Variants in SMAD2 observed in about 807,000 individuals in gnomAD.
The protein encoded by SMAD2 is SMAD family member 2, also known as MAD homolog 2.
Under a neutral mutation model 64.4 loss-of-function variants are expected in SMAD2, and 8 were observed. That is an observed-to-expected ratio of 0.12 (90% confidence interval 0.07 to 0.22). SMAD2 has a LOEUF of 0.22. Ranked by LOEUF, SMAD2 falls within the 10% of genes least tolerant of loss-of-function variation. SMAD2 has a pLI of 1.00. For missense variants in SMAD2, 289 were observed against 561.2 expected, an observed-to-expected ratio of 0.51 and a Z score of 4.90; for synonymous variants, 203 against 195.8, an observed-to-expected ratio of 1.04 and a Z score of -0.31.
At chr18:47,917,733 T>C (rs546360842) in intron 1 of SMAD2, among the ~76,000 whole-genome samples, 4 of 152,290 alleles carry the variant, frequency 2.6e-5, no homozygotes, top group Admixed American at 2.6e-4. Context: ...TAAAGAATTT[T>C]TTTTTTAAGA....
chr18:47,817,383 G>A lies in SMAD2; in HGVS notation c.*24444C>T, dbSNP rs1912407920. On this transcript the variant is annotated 3_prime_UTR_variant, in exon 11 of 11. Coordinates refer to ENST00000262160, the MANE Select transcript of SMAD2 (RefSeq NM_005901.6). ...ATAAAGGACTTTACATCCCTCCTGG[G>A]ATGACAAAAGACTTTTTGTCTTTCC... is the stretch of plus-strand genomic sequence containing the variant. The A allele has an allele frequency of 6.6e-6, 1 of 152,180 alleles. No individual in the cohort carries two copies. The highest frequency in any genetic ancestry group is 1.5e-5 in the Non-Finnish European group (1 of 68,024). The allele number at this position is 152,180 out of a possible 1,614,324, so 9.4% of individuals were successfully genotyped here.
At position 47,913,522 on chromosome 18, in the gene SMAD2, G is replaced by A. The variant is rs931184659; in HGVS notation, c.-53-16713C>T. ...TGGCTGACATCTGTCTAATATCTCC[G>A]GAGAATTTTTAAATTATGTAATAAA... On this transcript the variant is annotated intron_variant, in intron 1 of 10. Coordinates refer to ENST00000262160, the MANE Select transcript of SMAD2 (RefSeq NM_005901.6). Among the ~76,000 whole-genome samples, 11 of 152,070 alleles carry A rather than the reference G, an allele frequency of 7.2e-5. No homozygotes were observed. In the East Asian group the frequency reaches 1.3e-3, roughly 19 times the overall value.
chr18:47,917,578 T>C (rs956112923), intron 1 of SMAD2, among the ~76,000 whole-genome samples: 2 of 152,228 alleles, frequency 1.3e-5, no homozygotes, highest in Non-Finnish European at 2.9e-5. Flanking sequence ...TCAATTTCTC[T>C]TTATTTCCAC....
chr18:47,863,600 T>C (rs770484332), intron 6 of SMAD2, among the ~76,000 whole-genome samples: 27 of 152,196 alleles, frequency 1.8e-4, no homozygotes, highest in Non-Finnish European at 3.5e-4. Flanking sequence ...TCAAGGTCCA[T>C]CCATGTTGCC....
At chr18:47,894,109 T>C (rs1047834631) in intron 2 of SMAD2, among the ~76,000 whole-genome samples, 2 of 152,184 alleles carry the variant, frequency 1.3e-5, no homozygotes, top group African/African-American at 2.4e-5. Context: ...ATACCAGCAA[T>C]GGCCAATTTT....
At position 47,818,354 on chromosome 18, in the gene SMAD2, T is replaced by A. The variant is rs1321723565; in HGVS notation, c.*23473A>T. 1 of 152,236 alleles carries A rather than the reference T, an allele frequency of 6.6e-6. No individual in the cohort carries two copies. The allele number at this position is 152,236 out of a possible 1,614,324, so 9.4% of individuals were successfully genotyped here. ...TTAATGTAAATTTAGGTTTGCCTAATAACTGCTTAGGGTGATGGAACAGTT... is the reference window on the plus strand; with the variant it reads ...TTAATGTAAATTTAGGTTTGCCTAAAAACTGCTTAGGGTGATGGAACAGTT... On this transcript the variant is annotated 3_prime_UTR_variant, in exon 11 of 11. Transcript: ENST00000262160.
intron 6 of SMAD2, among the ~76,000 whole-genome samples, chr18:47,856,160 A>C (rs974743110): frequency 3.3e-5 from 5 of 152,126 alleles, no homozygotes; most frequent in African/African-American, 1.2e-4. Context: ...TTTTAAGCCA[A>C]ATACATAGAA....
intron 5 of SMAD2, 93 bp from the exon 6 acceptor site, chr18:47,865,226 A>G (rs2031471257): frequency 1.4e-6 from 1 of 710,208 alleles, no homozygotes; most frequent in Non-Finnish European, 2.6e-6. Flanking sequence ...ATCACTCCAA[A>G]TAACAAATAA....
At position 47,893,862 on chromosome 18, in the gene SMAD2, C is replaced by A. The variant is rs1321619950; in HGVS notation, c.236+2659G>T. ...TCCATTTTTGCAACATCTAAAAAAA[C>A]CACCAAATTAGGCAAATTTCTACGC... On this transcript the variant is annotated intron_variant, in intron 2 of 10. Coordinates refer to ENST00000262160, the MANE Select transcript of SMAD2 (RefSeq NM_005901.6). Among the ~76,000 whole-genome samples the A allele has an allele frequency of 4.6e-5, 7 of 152,164 alleles. No individual in the cohort carries two copies. The East Asian group carries it at 1.4e-3, about 29-fold the overall frequency.
chr18:47,839,205 T>C lies in SMAD2; in HGVS notation c.*2622A>G, dbSNP rs1598737563. ...TTTCATACTGTACAGAAAAATCGCA[T>C]CAGAACTGTAGAGATGCGCTCCACT... is the stretch of plus-strand genomic sequence containing the variant. On this transcript the variant is annotated 3_prime_UTR_variant, in exon 11 of 11. Coordinates refer to ENST00000262160, the MANE Select transcript of SMAD2 (RefSeq NM_005901.6). 1 of 233,310 alleles carries C rather than the reference T, an allele frequency of 4.3e-6. No homozygotes were observed. The highest frequency in any genetic ancestry group is 2.2e-5 in the African/African-American group (1 of 45,426). 14.5% of individuals were successfully genotyped at this position (233,310 alleles called of 1,614,324 possible).
rs1273293351 is a variant in SMAD2 at position 47,828,239 on chromosome 18, C to T, written c.*13588G>A. On this transcript the variant is annotated 3_prime_UTR_variant, in exon 11 of 11. Transcript: ENST00000262160. The stretch of plus-strand genomic sequence containing the variant: ...GTCTGGGAGGGAGGTGGGGGGCAGC[C>T]CCTGCTCGGCCAGCCGCCCCGTCCG... The T allele has an allele frequency of 1.3e-5, 2 of 155,186 alleles. No homozygotes were observed. Among genetic ancestry groups the T allele is most frequent in the African/African-American group, 2.4e-5 (1 of 41,338 alleles). 9.6% of individuals were successfully genotyped at this position (155,186 alleles called of 1,614,324 possible). A position where few individuals can be genotyped will look rare whatever the true frequency, so the allele number is the denominator to read the frequency against.
chr18:47,845,604 C>T (rs1448607242), intron 9 of SMAD2, 59 bp downstream of exon 9: 1 of 1,602,184 alleles, frequency 6.2e-7, no homozygotes, highest in African/African-American at 1.3e-5. Flanking sequence ...CTAAAATTAG[C>T]AACAAGAAAA....
At chr18:47,876,855 AATTATCCAGAT>A (rs1178062503) in intron 2 of SMAD2, among the ~76,000 whole-genome samples, 3 of 152,136 alleles carry the variant, frequency 2.0e-5, no homozygotes, top group Non-Finnish European at 4.4e-5. Flanking sequence ...ACTTTGTTCC[AATTATCCAGAT>A]ATTATGTTTG....
In SMAD2 at chr18:47,833,909, A is replaced by G; in HGVS notation, c.*7918T>C. On this transcript the variant is annotated 3_prime_UTR_variant, in exon 11 of 11. Transcript: ENST00000262160. ...AATTTCAGATTAAGTTTAACCCCATAAGGACGCATGATTTGTACTTACATA... is the reference window on the plus strand; with the variant it reads ...AATTTCAGATTAAGTTTAACCCCATGAGGACGCATGATTTGTACTTACATA... The G allele has an allele frequency of 4.4e-6, 1 of 226,332 alleles. No homozygotes were observed. The highest frequency in any genetic ancestry group is 8.8e-6 in the Non-Finnish European group (1 of 113,908). 14.0% of individuals were successfully genotyped at this position (226,332 alleles called of 1,614,324 possible). A position where few individuals can be genotyped will look rare whatever the true frequency, so the allele number is the denominator to read the frequency against.
chr18:47,927,767 C>A (rs1416704630), intron 1 of SMAD2, among the ~76,000 whole-genome samples: 12 of 152,012 alleles, frequency 7.9e-5, no homozygotes, highest in Non-Finnish European at 1.2e-4. Context: ...GGCATGGTGG[C>A]GCATGCCTGT....
chr18:47,848,445 A>C (rs1398941876), intron 8 of SMAD2, 30 bp downstream of exon 8: 1 of 1,525,070 alleles, frequency 6.6e-7, no homozygotes, highest in South Asian at 1.1e-5. Flanking sequence ...TACAGCATTT[A>C]TTTTTCACAA....
chr18:47,876,594 A>G (rs2032277412), intron 2 of SMAD2, among the ~76,000 whole-genome samples: 2 of 152,020 alleles, frequency 1.3e-5, no homozygotes, highest in Admixed American at 1.3e-4. Context: ...TATAGCAACT[A>G]CCTTTGTTGG....
intron 1 of SMAD2, among the ~76,000 whole-genome samples, chr18:47,913,189 G>C (rs978883941): frequency 3.9e-5 from 6 of 152,210 alleles, no homozygotes; most frequent in African/African-American, 1.2e-4. Context: ...CCAAAGCACA[G>C]GGATTACAGG....
At chr18:47,857,621 C>T (rs559925113) in intron 6 of SMAD2, among the ~76,000 whole-genome samples, 1 of 152,150 alleles carries the variant, frequency 6.6e-6, no homozygotes, top group Admixed American at 6.5e-5. Flanking sequence ...AACTAATTTA[C>T]AGAGAGGGAT....
Sources: allele counts gnomAD v4.1 joint callset (sites outside exome capture counted in the v4.1 genomes callset), GRCh38; gene constraint gnomAD v4.1.1; transcripts MANE v1.5; gene names NCBI Gene and HGNC (gene_info 2026-07-23, HGNC 2026-07-21).